TAF8: variants seen among roughly 807,000 people sequenced by gnomAD.
TAF8 encodes TATA-box binding protein associated factor 8, also known as transcription initiation factor TFIID subunit 8.
In TAF8, 47 loss-of-function variants were observed where a neutral mutation model predicts 36.5. The ratio of observed to expected loss-of-function variants is 1.29; its 90% confidence interval spans 1.02 to 1.64. The LOEUF (loss-of-function observed/expected upper bound fraction) is 1.64, where lower values mean the gene tolerates loss of function less well. Among genes scored for constraint, TAF8 ranks in the 40% most tolerant of loss-of-function variants. TAF8 has a pLI of 0.00. For synonymous variants in TAF8, 175 were observed against 159.5 expected, an observed-to-expected ratio of 1.10 and a Z score of -0.73; for missense variants, 420 against 407.6, an observed-to-expected ratio of 1.03 and a Z score of -0.26.
rs1288329167 is a variant in TAF8, at chr6:42,081,319, G to C, written c.*3774G>C. On this transcript the variant is annotated 3_prime_UTR_variant, in exon 9 of 9. Transcript: ENST00000372977. ...AGCTTCCTGAGTAGCTGGGATTATAGGTATCTACCACCACCACCACGCCTG... is the reference window on the plus strand; with the variant it reads ...AGCTTCCTGAGTAGCTGGGATTATACGTATCTACCACCACCACCACGCCTG... 7.9e-6 allele frequency: 1 copy of C among 125,848 alleles called. No individual in the cohort carries two copies. Among genetic ancestry groups the C allele is most frequent in the Non-Finnish European group, 1.8e-5 (1 of 55,300 alleles). 7.8% of individuals were successfully genotyped at this position (125,848 alleles called of 1,614,324 possible). A position where few individuals can be genotyped will look rare whatever the true frequency, so the allele number is the denominator to read the frequency against.
chr6:42,075,982 G>A (rs998285343), intron 7 of TAF8, among the ~76,000 whole-genome samples: 2 of 151,986 alleles, frequency 1.3e-5, no homozygotes, highest in Non-Finnish European at 2.9e-5. Flanking sequence ...AGCCAAGGCT[G>A]GCAGATCATG....
At chr6:42,053,106 G>T (rs1161992897) in intron 2 of TAF8, among the ~76,000 whole-genome samples, 1 of 152,036 alleles carries the variant, frequency 6.6e-6, no homozygotes, top group African/African-American at 2.4e-5. Context: ...ATGGGGTCTT[G>T]CTGTGTTGCC....
At chr6:42,058,976 A>G (rs1562011873) in intron 5 of TAF8, among the ~76,000 whole-genome samples, 1 of 152,018 alleles carries the variant, frequency 6.6e-6, no homozygotes, top group South Asian at 2.1e-4. Flanking sequence ...CTGGAGTTTT[A>G]TTATTACTCA....
chr6:42,052,317 G>GC (rs59000289), intron 2 of TAF8, among the ~76,000 whole-genome samples: 6,381 of 138,428 alleles, frequency 0.046, 194 homozygotes, highest in African/African-American at 0.082. Context: ...AAGGGGAAAA[G>GC]CCCCCCCCCC....
chr6:42,071,333 TTTTTTTTTTTTA>T (rs1324302062), intron 7 of TAF8: 2 of 196,350 alleles, frequency 1.0e-5, no homozygotes, highest in East Asian at 1.8e-4. Context: ...TTTTTTTTTT[TTTTTTTTTTTTA>T]GATAGAGTCT....
intron 6 of TAF8, among the ~76,000 whole-genome samples, chr6:42,067,102 G>A (rs983427681): frequency 3.9e-5 from 6 of 152,176 alleles, no homozygotes; most frequent in Admixed American, 6.5e-5. Flanking sequence ...CCTTCAATGA[G>A]GCACAAGAGA....
rs1420423468 is a variant in TAF8, at chr6:42,078,873, G to C, written c.*1328G>C. 2 of 983,378 alleles carry C rather than the reference G, an allele frequency of 2.0e-6. No homozygotes were observed. Among genetic ancestry groups the C allele is most frequent in the African/African-American group, 3.5e-5 (2 of 57,200 alleles). The allele number at this position is 983,378 out of a possible 1,614,324, so 60.9% of individuals were successfully genotyped here. A position where few individuals can be genotyped will look rare whatever the true frequency, so the allele number is the denominator to read the frequency against. On this transcript the variant is annotated 3_prime_UTR_variant, in exon 9 of 9. Coordinates refer to ENST00000372977, the MANE Select transcript of TAF8 (RefSeq NM_138572.3). ...GCAGTGGCTCACGCCTGTAATCCCA[G>C]CACTTCGGGAGGCGAAGGCAGGTGG...
At chr6:42,072,456 G>A (rs1252249701) in intron 7 of TAF8, among the ~76,000 whole-genome samples, 1 of 152,184 alleles carries the variant, frequency 6.6e-6, no homozygotes, top group Admixed American at 6.5e-5. Flanking sequence ...AGCCTCTTAT[G>A]TAGCCTTCTA....
At chr6:42,050,742 G>A in intron 1 of TAF8, 156 bp downstream of exon 1, 1 of 1,054,958 alleles carries the variant, frequency 9.5e-7, no homozygotes, top group South Asian at 1.8e-5. Context: ...CCCTCCTTGG[G>A]ACTTGGCTGC....
chr6:42,057,123 G>A (rs528812588), intron 4 of TAF8, among the ~76,000 whole-genome samples: 178 of 152,288 alleles, frequency 1.2e-3, no homozygotes, highest in African/African-American at 4.1e-3. Context: ...GCTGTTTTAC[G>A]TAGTTACTGT....
intron 4 of TAF8, among the ~76,000 whole-genome samples, chr6:42,056,744 T>A (rs1765002409): frequency 6.6e-6 from 1 of 152,230 alleles, no homozygotes; most frequent in Admixed American, 6.5e-5. Flanking sequence ...TAGCTGGGAT[T>A]ACAGGCGCTC....
Position 42,079,477 on chromosome 6 carries a change from T to A in TAF8, c.*1932T>A. Reference sequence around the variant, plus strand: ...AGAAAAATGTAACAACACGTGGAAGTGAACACTGGATGAATAAGCTTGTTT... The same window carrying A: ...AGAAAAATGTAACAACACGTGGAAGAGAACACTGGATGAATAAGCTTGTTT... On this transcript the variant is annotated 3_prime_UTR_variant, in exon 9 of 9. Transcript: ENST00000372977. The A allele has an allele frequency of 1.0e-6, 1 of 985,402 alleles. No individual in the cohort carries two copies. Among genetic ancestry groups the A allele is most frequent in the Non-Finnish European group, 1.2e-6 (1 of 829,932 alleles). 61.0% of individuals were successfully genotyped at this position (985,402 alleles called of 1,614,324 possible).
At chr6:42,068,325 C>T (rs1203857841) in intron 6 of TAF8, 140 bp from the exon 7 acceptor site, 17 of 851,660 alleles carry the variant, frequency 2.0e-5, no homozygotes, top group Non-Finnish European at 2.6e-5. Flanking sequence ...ATTGCCTGGC[C>T]TGTTGTGTAA....
At chr6:42,074,883 C>G (rs1306536026) in intron 7 of TAF8, among the ~76,000 whole-genome samples, 1 of 150,810 alleles carries the variant, frequency 6.6e-6, no homozygotes, top group Non-Finnish European at 1.5e-5. Flanking sequence ...CACCCCTAAC[C>G]ATCTCAGTGC....
downstream of TAF8, among the ~76,000 whole-genome samples, chr6:42,086,152 T>C (rs1390613082): frequency 1.3e-5 from 2 of 152,176 alleles, no homozygotes; most frequent in Admixed American, 6.5e-5. Context: ...TCTAGTACTT[T>C]GTTGGAGCAG....
At chr6:42,086,331 G>A (rs368432136), downstream of TAF8, among the ~76,000 whole-genome samples, 6 of 152,278 alleles carry the variant, frequency 3.9e-5, no homozygotes, top group African/African-American at 1.2e-4. Flanking sequence ...AATAGCCTTC[G>A]CTTGAATTTC....
rs1485625641 is a variant in TAF8, at chr6:42,082,759, A to G, written c.*5214A>G. On this transcript the variant is annotated 3_prime_UTR_variant, in exon 9 of 9. Coordinates refer to ENST00000372977, the MANE Select transcript of TAF8 (RefSeq NM_138572.3). Reference sequence around the variant, plus strand: ...TATTGCTGAGTAGCATGGAGGCACCATAGTTTAACACAGTTTCTTTAACCA... The same window carrying G: ...TATTGCTGAGTAGCATGGAGGCACCGTAGTTTAACACAGTTTCTTTAACCA... 6.6e-6 allele frequency: 1 copy of G among 152,194 alleles called. No homozygotes were observed. Among genetic ancestry groups the G allele is most frequent in the African/African-American group, 2.4e-5 (1 of 41,462 alleles). The allele number at this position is 152,194 out of a possible 1,614,324, so 9.4% of individuals were successfully genotyped here. A position where few individuals can be genotyped will look rare whatever the true frequency, so the allele number is the denominator to read the frequency against.
In TAF8 at chr6:42,079,191, G is replaced by T. The variant is rs562772367; in HGVS notation, c.*1646G>T. 23 of 985,532 alleles carry T rather than the reference G, an allele frequency of 2.3e-5. No homozygotes were observed. The South Asian group carries it at 9.4e-4, about 40-fold the overall frequency. The allele number at this position is 985,532 out of a possible 1,614,324, so 61.0% of individuals were successfully genotyped here. A position where few individuals can be genotyped will look rare whatever the true frequency, so the allele number is the denominator to read the frequency against. ...GTGGGGTGAGGGTGGGGTGTTGAGG[G>T]CTGGGCCTCATCTTGTATTCTGAAA... On this transcript the variant is annotated 3_prime_UTR_variant, in exon 9 of 9. Coordinates refer to ENST00000372977, the MANE Select transcript of TAF8 (RefSeq NM_138572.3).
chr6:42,067,521 A>G (rs569659295), intron 6 of TAF8, among the ~76,000 whole-genome samples: 285 of 145,484 alleles, frequency 2.0e-3, no homozygotes, highest in Non-Finnish European at 3.6e-3. Flanking sequence ...AGCCAATTCT[A>G]GAGTATTTTC....
Sources: gnomAD v4.1 joint callset for allele counts (sites outside exome capture counted in the v4.1 genomes callset) on GRCh38, gnomAD v4.1.1 for gene constraint, MANE v1.5 for transcripts, NCBI Gene and HGNC (gene_info 2026-07-23, HGNC 2026-07-21) for gene names.